GALNT10: variants seen among roughly 807,000 people sequenced by gnomAD.
GALNT10 encodes GalNAc transferase 10.
In GALNT10, 41 loss-of-function variants were observed where a neutral mutation model predicts 75.0. The ratio of observed to expected loss-of-function variants is 0.55; its 90% CI spans 0.43 to 0.71. The LOEUF (loss-of-function observed/expected upper bound fraction) is 0.71. Among genes scored for constraint, GALNT10 ranks in the 30% least tolerant of loss-of-function variants. The probability of loss-of-function intolerance (pLI) is 0.00; values close to 1 mark genes in which losing one functional copy is unlikely to be tolerated. For missense variants in GALNT10, 727 were observed against 818.5 expected (o/e 0.89, Z 1.36); for synonymous variants, 302 against 313.0 (o/e 0.96, Z 0.37).
intron 3 of GALNT10, among the ~76,000 whole-genome samples, chr5:154,320,476 AC>A (rs1454601062): frequency 6.6e-6 from 1 of 151,860 alleles, no homozygotes; most frequent in African/African-American, 2.4e-5. Context: ...CTAACACCCC[AC>A]CCCGCCCCCA....
intron 1 of GALNT10, among the ~76,000 whole-genome samples, chr5:154,246,444 A>G (rs1753425176): frequency 6.6e-6 from 1 of 152,134 alleles, no homozygotes; most frequent in Non-Finnish European, 1.5e-5. Flanking sequence ...AAATGTTCCT[A>G]TTTCTCCACA....
Position 154,404,209 on chromosome 5 carries a change from C to T in GALNT10, c.1162C>T (p.Arg388Trp), listed in dbSNP as rs756129164. The change falls in exon 8 of 12, where the codon CGG becomes TGG. Residue 388 changes from arginine to tryptophan, a missense_variant and splice_region_variant. Transcript: ENST00000297107. ...YKVPAGVSLA[R>W]NLKRVAEVWM... is the part of the protein sequence containing the mutation. ...GGTCCCGGCCGGAGTCAGCCTGGCC[C>T]GGGTAAGGTGGTGGCTTTCCTTGGC... The T allele has an allele frequency of 7.0e-6, 11 of 1,582,556 alleles. No homozygotes were observed. The highest frequency in any genetic ancestry group is 1.3e-5 in the African/African-American group (1 of 74,234).
intron 1 of GALNT10, among the ~76,000 whole-genome samples, chr5:154,261,006 T>C (rs772057519): frequency 1.2e-4 from 18 of 150,524 alleles, no homozygotes; most frequent in Non-Finnish European, 2.5e-4. Flanking sequence ...TTGCTTGGGA[T>C]GAGTTATGGG....
intron 4 of GALNT10, among the ~76,000 whole-genome samples, chr5:154,339,183 T>C (rs1581981256): frequency 3.3e-5 from 5 of 152,172 alleles, no homozygotes; most frequent in African/African-American, 9.7e-5. Flanking sequence ...CTCCTCCTCA[T>C]TGGGAATCAC....
intron 7 of GALNT10, among the ~76,000 whole-genome samples, chr5:154,399,592 A>G (rs1756115906): frequency 6.6e-6 from 1 of 152,188 alleles, no homozygotes; most frequent in Non-Finnish European, 1.5e-5. Flanking sequence ...AGCAAAAAAG[A>G]CAGTTCATCC....
chr5:154,234,741 T>C (rs1482133871), intron 1 of GALNT10, among the ~76,000 whole-genome samples: 1 of 152,256 alleles, frequency 6.6e-6, no homozygotes, highest in African/African-American at 2.4e-5. Flanking sequence ...GGATTGGTCC[T>C]GATCAGGGCC....
intron 3 of GALNT10, among the ~76,000 whole-genome samples, chr5:154,326,792 G>A (rs1427532263): frequency 1.3e-5 from 2 of 152,284 alleles, no homozygotes; most frequent in East Asian, 1.9e-4. Flanking sequence ...TTCTTTAGGA[G>A]TGATGAAAAT....
In GALNT10 at chr5:154,386,295, G is replaced by C. The variant is rs1561678541; in HGVS notation, c.939-18G>C. ...CAGGACATCTGCACCTTCACACCAT[G>C]TTCTTCTTCTCTGACAGGTCTCCCG... On this transcript the variant is annotated intron_variant, in intron 6 of 11. Transcript: ENST00000297107. 1.3e-6 allele frequency: 2 copies of C among 1,586,166 alleles called. No individual in the cohort carries two copies. The highest frequency in any genetic ancestry group is 2.2e-5 in the East Asian group (1 of 44,716).
At chr5:154,286,572 C>T (rs142264678) in intron 1 of GALNT10, among the ~76,000 whole-genome samples, 2 of 152,078 alleles carry the variant, frequency 1.3e-5, no homozygotes, top group Non-Finnish European at 2.9e-5. Context: ...AATGAGCTTT[C>T]ATGCCTTACG....
In GALNT10 at chr5:154,237,873, G is replaced by A. The variant is rs1217351164; in HGVS notation, c.159+46848G>A. 3.3e-5 allele frequency among the ~76,000 whole-genome samples: 5 copies of A among 152,250 alleles called. No homozygotes were observed. In the South Asian group the frequency reaches 1.0e-3, roughly 32 times the overall value. Reference sequence around the variant, plus strand: ...TGACCTTGATCACCTGGTGAAGGTCGCGCCTGCTAGATTTCTCCACCGCAC... The same window carrying A: ...TGACCTTGATCACCTGGTGAAGGTCACGCCTGCTAGATTTCTCCACCGCAC... On this transcript the variant is annotated intron_variant, in intron 1 of 11. Coordinates refer to ENST00000297107, the MANE Select transcript of GALNT10 (RefSeq NM_198321.4).
At chr5:154,312,346 C>T (rs1425522577) in intron 3 of GALNT10, among the ~76,000 whole-genome samples, 1 of 152,054 alleles carries the variant, frequency 6.6e-6, no homozygotes, top group Non-Finnish European at 1.5e-5. Context: ...ATCAATAGTC[C>T]CTCTCCCCTC....
At chr5:154,378,894 A>G (rs1049381164) in intron 5 of GALNT10, among the ~76,000 whole-genome samples, 5 of 152,078 alleles carry the variant, frequency 3.3e-5, no homozygotes, top group African/African-American at 7.3e-5. Flanking sequence ...CTGAACGGCC[A>G]TGAACAATTA....
intron 7 of GALNT10, among the ~76,000 whole-genome samples, chr5:154,400,723 G>A (rs184734642): frequency 1.3e-5 from 2 of 152,304 alleles, no homozygotes; most frequent in African/African-American, 4.8e-5. Context: ...CTGAGGAGGT[G>A]GCTCTTAAGG....
At chr5:154,285,394 C>G (rs1329263942) in intron 1 of GALNT10, among the ~76,000 whole-genome samples, 1 of 152,156 alleles carries the variant, frequency 6.6e-6, no homozygotes, top group Non-Finnish European at 1.5e-5. Flanking sequence ...TTTCTATGGA[C>G]AGTATTGAAA....
Position 154,416,693 on chromosome 5 carries a change from G to C in GALNT10, c.1654-121G>C. 2.7e-6 allele frequency: 2 copies of C among 733,394 alleles called. No individual in the cohort carries two copies. The highest frequency in any genetic ancestry group is 3.3e-5 in the South Asian group (2 of 60,236). The allele number at this position is 733,394 out of a possible 1,614,324, so 45.4% of individuals were successfully genotyped here. A position where few individuals can be genotyped will look rare whatever the true frequency, so the allele number is the denominator to read the frequency against. On this transcript the variant is annotated intron_variant, in intron 11 of 11. Transcript: ENST00000297107. The surrounding 1 kb of genome is among the most constrained non-coding windows in gnomAD (Gnocchi z 4.5). ...TGTGAGCTCAGGAGGAAAACCAACA[G>C]GTGTATGAACAGCTAGTCAGTCAGT...
chr5:154,347,035 T>G (rs947301248), intron 4 of GALNT10: 5 of 384,162 alleles, frequency 1.3e-5, no homozygotes, highest in African/African-American at 4.5e-5. Flanking sequence ...AGTTCCACAT[T>G]GAAGATCCCA....
Position 154,402,185 on chromosome 5 carries a change from G to A in GALNT10, c.1057-1919G>A, listed in dbSNP as rs575906055. Among the ~76,000 whole-genome samples the A allele has an allele frequency of 6.6e-6, 1 of 152,266 alleles. No homozygotes were observed. The highest frequency in any genetic ancestry group is 1.9e-4 in the East Asian group (1 of 5,162). The stretch of plus-strand genomic sequence containing the variant: ...GTGAAGACTCCTTGTTCTGCCCCGT[G>A]AGGGCCCTGCGGGAGCCCTGCCCGC... On this transcript the variant is annotated intron_variant, in intron 7 of 11. Coordinates refer to ENST00000297107, the MANE Select transcript of GALNT10 (RefSeq NM_198321.4). The surrounding 1 kb of genome is among the most constrained non-coding windows in gnomAD (Gnocchi z 4.2).
chr5:154,354,004 A>G (rs1242819721), intron 4 of GALNT10, among the ~76,000 whole-genome samples: 2 of 152,214 alleles, frequency 1.3e-5, no homozygotes, highest in East Asian at 3.8e-4. Context: ...TGAATTAATG[A>G]ATAGGTATGA....
intron 4 of GALNT10, among the ~76,000 whole-genome samples, chr5:154,354,718 A>G (rs27151): frequency 0.75 from 113,915 of 152,046 alleles, 42,752 homozygotes; most frequent in Admixed American, 0.81. Flanking sequence ...TAAGGACATT[A>G]CAGAAGGCAC....
Sources: allele counts gnomAD v4.1 joint callset (sites outside exome capture counted in the v4.1 genomes callset), GRCh38; gene constraint gnomAD v4.1.1; non-coding constraint Gnocchi (gnomAD v3.1); transcripts MANE v1.5; gene names NCBI Gene and HGNC (gene_info 2026-07-23, HGNC 2026-07-21).